Variants in NNT observed in about 807,000 individuals in gnomAD.
NNT encodes nicotinamide nucleotide transhydrogenase.
NNT carries 50 observed loss-of-function variants against 104.8 expected under a neutral mutation model. The ratio of observed to expected loss-of-function variants is 0.48; its 90% CI spans 0.38 to 0.60. The LOEUF (loss-of-function observed/expected upper bound fraction) is 0.60. NNT is among the 20% of genes least tolerant of loss of function. The pLI, the probability that NNT is intolerant of heterozygous loss-of-function variation, is 0.00. For missense variants in NNT, 1,131 were observed against 1,330.7 expected, an observed-to-expected ratio of 0.85 and a Z score of 2.33; for synonymous variants, 461 against 490.4, an observed-to-expected ratio of 0.94 and a Z score of 0.79.
chr5:43,664,867 G>C (rs1740547627), intron 17 of NNT, among the ~76,000 whole-genome samples: 1 of 152,216 alleles, frequency 6.6e-6, no homozygotes, highest in African/African-American at 2.4e-5. Flanking sequence ...ACATGGAATT[G>C]TTATAGCTTA....
chr5:43,613,848 T>C (rs1353486569), intron 3 of NNT, among the ~76,000 whole-genome samples: 1 of 152,168 alleles, frequency 6.6e-6, no homozygotes, highest in Non-Finnish European at 1.5e-5. Context: ...GAGATACAGC[T>C]TTTTTCTACA....
At chr5:43,684,155 G>T (rs1028839421) in intron 19 of NNT, among the ~76,000 whole-genome samples, 1 of 151,816 alleles carries the variant, frequency 6.6e-6, no homozygotes, top group Non-Finnish European at 1.5e-5. Context: ...ATAAGACAAG[G>T]TCTATTATTC....
Position 43,628,346 on chromosome 5 carries a change from G to C in NNT, c.923G>C (p.Cys308Ser), listed in dbSNP as rs1561274094. Reference protein sequence around the residue: ...EAEMKLFAQQCKEVDILISTA... With the variant: ...EAEMKLFAQQSKEVDILISTA... ...GAAATGAAACTCTTTGCTCAACAATGCAAGGAGGTAGACATCCTTATCAGC... is the reference window on the plus strand; with the variant it reads ...GAAATGAAACTCTTTGCTCAACAATCCAAGGAGGTAGACATCCTTATCAGC... Residue 308 changes from cysteine to serine, a missense_variant, in exon 7 of 22, where the codon TGC (cysteine) becomes TCC (serine). By Grantham distance (112) the Cys-to-Ser change is moderately radical (BLOSUM62 -1). Transcript: ENST00000344920. 6.2e-7 allele frequency: 1 copy of C among 1,613,462 alleles called. No individual in the cohort carries two copies. Among genetic ancestry groups the C allele is most frequent in the Non-Finnish European group, 8.5e-7 (1 of 1,179,700 alleles).
chr5:43,681,475 T>C (rs1166834731), intron 19 of NNT, among the ~76,000 whole-genome samples: 1 of 152,068 alleles, frequency 6.6e-6, no homozygotes, highest in Non-Finnish European at 1.5e-5. Flanking sequence ...TTCAGCTCAC[T>C]GCAACCTCTG....
At position 43,705,004 on chromosome 5, in the gene NNT, AG is replaced by A. The variant is rs1304417628; in HGVS notation, c.*602del. ...TCTCACTACTATTTTAATACATTAA[AG>A]GACTAAATAATCTTTCAGAGATGCT... On this transcript the variant is annotated 3_prime_UTR_variant, in exon 22 of 22. Transcript: ENST00000344920. The A allele has an allele frequency of 6.6e-6, 1 of 152,214 alleles. No homozygotes were observed. The highest frequency in any genetic ancestry group is 1.5e-5 in the Non-Finnish European group (1 of 68,030). 9.4% of individuals were successfully genotyped at this position (152,214 alleles called of 1,614,324 possible).
intron 7 of NNT, among the ~76,000 whole-genome samples, chr5:43,637,496 C>T (rs1750995465): frequency 6.6e-6 from 1 of 152,104 alleles, no homozygotes; most frequent in African/African-American, 2.4e-5. Context: ...CTAATACAAC[C>T]TGCCTTAAGG....
intron 7 of NNT, among the ~76,000 whole-genome samples, chr5:43,637,063 A>G (rs2111768171): frequency 6.6e-6 from 1 of 152,290 alleles, no homozygotes; most frequent in South Asian, 2.1e-4. Context: ...TTATACAAAT[A>G]ATTATGCAGA....
intron 17 of NNT, among the ~76,000 whole-genome samples, chr5:43,672,919 C>T (rs1041789273): frequency 6.6e-5 from 10 of 151,774 alleles, no homozygotes; most frequent in East Asian, 2.0e-4. Flanking sequence ...CCTTGAGCTG[C>T]GGTGGGCTCC....
intron 1 of NNT, among the ~76,000 whole-genome samples, chr5:43,606,751 C>G (rs1312831057): frequency 1.3e-5 from 2 of 152,172 alleles, no homozygotes; most frequent in Non-Finnish European, 2.9e-5. Flanking sequence ...TACTCTGTTA[C>G]TCTACTTTGT....
chr5:43,671,635 G>A (rs1313681408), intron 17 of NNT, among the ~76,000 whole-genome samples: 1 of 152,220 alleles, frequency 6.6e-6, no homozygotes, highest in African/African-American at 2.4e-5. Flanking sequence ...GGCTTGTAGA[G>A]TTTCTGCTGA....
intron 7 of NNT, among the ~76,000 whole-genome samples, chr5:43,636,016 T>C (rs986535617): frequency 5.9e-5 from 9 of 152,160 alleles, no homozygotes; most frequent in African/African-American, 2.2e-4. Flanking sequence ...ATCTGTTCAT[T>C]GGAAAACAGA....
intron 19 of NNT, among the ~76,000 whole-genome samples, chr5:43,698,153 ATATAT>A (rs1580133713): frequency 2.6e-5 from 4 of 152,014 alleles, no homozygotes; most frequent in African/African-American, 7.2e-5. Flanking sequence ...ATATGGATGA[ATATAT>A]TATATAATAT....
intron 1 of NNT, among the ~76,000 whole-genome samples, chr5:43,607,839 C>T (rs184740738): frequency 1.9e-4 from 29 of 152,272 alleles, no homozygotes; most frequent in Admixed American, 1.2e-3. Context: ...TGCTCAGTCC[C>T]GTGAGGGTCC....
At chr5:43,674,317 C>G (rs1455010503) in intron 17 of NNT, among the ~76,000 whole-genome samples, 2 of 152,078 alleles carry the variant, frequency 1.3e-5, no homozygotes, top group Non-Finnish European at 2.9e-5. Context: ...TTGTCTGGGC[C>G]CTACTCAGCA....
chr5:43,616,018 A>T lies in NNT; in HGVS notation c.552A>T (p.Thr184=). The change falls in exon 4 of 22, where the codon ACA becomes ACT. Residue 184 remains threonine (T), a synonymous_variant. Transcript: ENST00000344920. ...CAATGGACCAGGTTCCAAGAGTCAC[A>T]ATTGCTCAGGGATATGATGCGCTAA... is the stretch of plus-strand genomic sequence containing the variant. ...VLAMDQVPRV[T]IAQGYDALSS... The T allele has an allele frequency of 6.2e-7, 1 of 1,614,122 alleles. No individual in the cohort carries two copies. Among genetic ancestry groups the T allele is most frequent in the Non-Finnish European group, 8.5e-7 (1 of 1,180,022 alleles).
At chr5:43,680,113 G>A (rs530555222) in intron 19 of NNT, among the ~76,000 whole-genome samples, 1 of 151,818 alleles carries the variant, frequency 6.6e-6, no homozygotes, top group Non-Finnish European at 1.5e-5. Flanking sequence ...CTAAAATTAT[G>A]ACAGCAGATC....
intron 6 of NNT, 147 bp from the exon 7 acceptor site, chr5:43,628,052 AT>A: frequency 3.6e-6 from 2 of 555,384 alleles, no homozygotes; most frequent in Non-Finnish European, 5.9e-6. Flanking sequence ...TTAGAAAAAA[AT>A]TGGAACAATT....
chr5:43,650,294 G>T (rs1027984578), intron 11 of NNT, among the ~76,000 whole-genome samples, 183 bp from the exon 12 acceptor site: 1 of 152,212 alleles, frequency 6.6e-6, no homozygotes, highest in African/African-American at 2.4e-5. Context: ...AAGATGTGTT[G>T]TCAACAGTCT....
At chr5:43,613,212 C>A in intron 3 of NNT, 75 bp downstream of exon 3, 1 of 1,176,340 alleles carries the variant, frequency 8.5e-7, no homozygotes, top group Non-Finnish European at 1.2e-6. Context: ...AATTAAATTA[C>A]TTTATCTGGA....
Sources: gnomAD v4.1 joint callset for allele counts (sites outside exome capture counted in the v4.1 genomes callset) on GRCh38, gnomAD v4.1.1 for gene constraint, MANE v1.5 for transcripts, NCBI Gene and HGNC (gene_info 2026-07-23, HGNC 2026-07-21) for gene names.